DOCK3: variants seen among roughly 807,000 people sequenced by gnomAD.
The protein encoded by DOCK3 is dedicator of cytokinesis 3, also known as dedicator of cytokinesis protein 3.
DOCK3 carries 60 observed loss-of-function variants against 265.6 expected under a neutral mutation model. The ratio of observed to expected loss-of-function variants is 0.23; its 90% CI spans 0.18 to 0.28. The LOEUF is 0.28. Among genes scored for constraint, DOCK3 ranks in the 10% least tolerant of loss-of-function variants. DOCK3 has a pLI of 1.00. For synonymous variants in DOCK3, 881 were observed against 938.0 expected, an observed-to-expected ratio of 0.94 and a Z score of 1.11; for missense variants, 1,981 against 2,594.3, an observed-to-expected ratio of 0.76 and a Z score of 5.14.
intron 1 of DOCK3, among the ~76,000 whole-genome samples, chr3:50,728,557 C>T (rs917144012): frequency 1.1e-4 from 17 of 151,834 alleles, no homozygotes; most frequent in Non-Finnish European, 2.1e-4. Flanking sequence ...AAATCTCTTG[C>T]AATACTGATG....
chr3:50,767,541 G>C (rs1465742520), intron 1 of DOCK3, among the ~76,000 whole-genome samples: 1 of 152,114 alleles, frequency 6.6e-6, no homozygotes, highest in Non-Finnish European at 1.5e-5. Flanking sequence ...ATAGTTTGAG[G>C]TCAGGTAGCA....
chr3:51,130,118 A>G (rs568600729), intron 9 of DOCK3, among the ~76,000 whole-genome samples: 4 of 152,222 alleles, frequency 2.6e-5, no homozygotes, highest in Non-Finnish European at 5.9e-5. Context: ...ACTGAGGTAG[A>G]AGTTCCCTGA....
intron 25 of DOCK3, 70 bp downstream of exon 25, chr3:51,275,276 G>T: frequency 6.3e-7 from 1 of 1,597,608 alleles, no homozygotes; most frequent in South Asian, 1.1e-5. Flanking sequence ...GCCAGAGGCA[G>T]ACCAACAAAG....
chr3:50,932,360 G>T (rs2108151580), intron 4 of DOCK3, among the ~76,000 whole-genome samples: 1 of 152,052 alleles, frequency 6.6e-6, no homozygotes. Flanking sequence ...AATACTTGAT[G>T]CTAATTTTGT....
chr3:50,933,943 A>C, intron 4 of DOCK3, 38 bp from the exon 5 acceptor site: 46 of 1,397,292 alleles, frequency 3.3e-5, no homozygotes, highest in Non-Finnish European at 4.1e-5. Context: ...GATTTTTTTC[A>C]GAGATAATGT....
At chr3:51,115,097 A>G (rs533039243) in intron 9 of DOCK3, among the ~76,000 whole-genome samples, 111 of 152,304 alleles carry the variant, frequency 7.3e-4, no homozygotes, top group African/African-American at 2.6e-3. Flanking sequence ...TAGTGCTGCA[A>G]TAAACATATG....
Position 51,282,665 on chromosome 3 carries a change from AAAAAG to A in DOCK3, c.2922+2476_2922+2480del, listed in dbSNP as rs796239846. Among the ~76,000 whole-genome samples the A allele has an allele frequency of 1.3e-3, 156 of 119,700 alleles. 2 individuals are homozygous for A. The highest frequency in any genetic ancestry group is 5.1e-3 in the East Asian group (23 of 4,554). The allele number at this position is 119,700 out of a possible 152,430, so 78.5% of individuals were successfully genotyped here. A position where few individuals can be genotyped will look rare whatever the true frequency, so the allele number is the denominator to read the frequency against. On this transcript the variant is annotated intron_variant, in intron 27 of 52. Coordinates refer to ENST00000266037, the MANE Select transcript of DOCK3 (RefSeq NM_004947.5). ...TGAAACTCTGTCTCAAAAAAAAAAAAAAAAGAAAAGAAAAGAAAAAAGAAAAAAAA... is the reference window on the plus strand; with the variant it reads ...TGAAACTCTGTCTCAAAAAAAAAAAAAAAAGAAAAGAAAAAAGAAAAAAAA...
intron 27 of DOCK3, among the ~76,000 whole-genome samples, chr3:51,302,930 G>C (rs1303301052): frequency 6.6e-6 from 1 of 151,944 alleles, no homozygotes; most frequent in Non-Finnish European, 1.5e-5. Context: ...TATCTTACTG[G>C]GGTTCTCTGG....
intron 2 of DOCK3, among the ~76,000 whole-genome samples, chr3:50,803,693 G>A (rs2043201403): frequency 6.6e-6 from 1 of 151,806 alleles, no homozygotes. Context: ...CGGCTACCAG[G>A]CGGGGGCTGC....
chr3:51,377,379 T>A (rs2088222755), intron 51 of DOCK3, among the ~76,000 whole-genome samples: 1 of 152,248 alleles, frequency 6.6e-6, no homozygotes, highest in South Asian at 2.1e-4. Flanking sequence ...ATACTTGTCA[T>A]CATTCTCTTG....
At chr3:50,737,979 TTCTTG>T (rs1473575081) in intron 1 of DOCK3, among the ~76,000 whole-genome samples, 1 of 152,164 alleles carries the variant, frequency 6.6e-6, no homozygotes, top group Non-Finnish European at 1.5e-5. Context: ...TGGCCTTGGG[TTCTTG>T]TCTTCTGTGC....
At chr3:50,807,683 G>A (rs915179382) in intron 2 of DOCK3, among the ~76,000 whole-genome samples, 1 of 152,204 alleles carries the variant, frequency 6.6e-6, no homozygotes, top group Non-Finnish European at 1.5e-5. Flanking sequence ...TGTGTAAAAT[G>A]TGCAGTAGAA....
chr3:50,846,247 G>C (rs73833937), intron 3 of DOCK3, among the ~76,000 whole-genome samples: 63 of 152,310 alleles, frequency 4.1e-4, no homozygotes, highest in African/African-American at 1.5e-3. Flanking sequence ...AATGGTTTCA[G>C]GTACTGTGGA....
intron 26 of DOCK3, chr3:51,278,432 G>T (rs2080931931): frequency 9.1e-6 from 9 of 985,212 alleles, no homozygotes; most frequent in Admixed American, 6.2e-5. Flanking sequence ...TCTTTCCATT[G>T]GCAGATGGGA....
At position 51,064,542 on chromosome 3, in the gene DOCK3, AT is replaced by A. The variant is rs771294111; in HGVS notation, c.411del (p.Gln138ArgfsTer32). On this transcript the variant is annotated frameshift_variant, in exon 6 of 53. Coordinates refer to ENST00000266037, the MANE Select transcript of DOCK3 (RefSeq NM_004947.5). LOFTEE classifies it high-confidence loss of function. ...RQLLSGHLTQ[D>X]QVREVKRHIT... ...CTACTGTCTGGTCACCTGACTCAGG[AT>A]CAGGTGCGGGAGGTTAAGCGGCACA... 1 of 1,614,024 alleles carries A rather than the reference AT, an allele frequency of 6.2e-7. No individual in the cohort carries two copies. Among genetic ancestry groups the A allele is most frequent in the South Asian group, 1.1e-5 (1 of 91,090 alleles).
rs569073493 is a variant in DOCK3, at chr3:50,777,446, A to G, written c.38-1229A>G. On this transcript the variant is annotated intron_variant, in intron 1 of 52. Coordinates refer to ENST00000266037, the MANE Select transcript of DOCK3 (RefSeq NM_004947.5). ...AGGATTGTTTTTTCTAGTTCTTGGG[A>G]AAAATGATGATGATATTTTGATGGG... 3.3e-5 allele frequency among the ~76,000 whole-genome samples: 5 copies of G among 152,148 alleles called. No individual in the cohort carries two copies. In the South Asian group the frequency reaches 1.0e-3, roughly 32 times the overall value.
At chr3:51,073,693 A>T (rs2081962940) in intron 6 of DOCK3, among the ~76,000 whole-genome samples, 1 of 152,152 alleles carries the variant, frequency 6.6e-6, no homozygotes, top group African/African-American at 2.4e-5. Flanking sequence ...TTAAAAACTC[A>T]TTTTTTTAAT....
intron 13 of DOCK3, among the ~76,000 whole-genome samples, chr3:51,209,465 C>A (rs1328747885): frequency 6.6e-6 from 1 of 152,084 alleles, no homozygotes; most frequent in Non-Finnish European, 1.5e-5. Context: ...ATATTGTTTT[C>A]TAAGTTCATT....
chr3:51,275,316 GCTTT>G, intron 25 of DOCK3, 110 bp downstream of exon 25: 4 of 1,514,450 alleles, frequency 2.6e-6, no homozygotes, highest in Non-Finnish European at 3.6e-6. Context: ...AGTCACAGAT[GCTTT>G]CATCAGTGAC....
Sources: allele counts gnomAD v4.1 joint callset (sites outside exome capture counted in the v4.1 genomes callset), GRCh38; gene constraint gnomAD v4.1.1; transcripts MANE v1.5; gene names NCBI Gene and HGNC (gene_info 2026-07-23, HGNC 2026-07-21).